The following CRBN variants were observed in gnomAD, a reference collection of about 807,000 sequenced individuals.
The protein encoded by CRBN is protein cereblon.
Under a neutral mutation model 62.2 loss-of-function variants are expected in CRBN, and 53 were observed. That is an observed-to-expected ratio of 0.85 (90% CI 0.68 to 1.07). The LOEUF (loss-of-function observed/expected upper bound fraction) is 1.07, where lower values mean the gene tolerates loss of function less well. CRBN is among the 50% of genes least tolerant of loss of function. The pLI, the probability that CRBN is intolerant of heterozygous loss-of-function variation, is 0.00. For synonymous variants in CRBN, 208 were observed against 176.1 expected (o/e 1.18, Z -1.43); for missense variants, 616 against 531.1 (o/e 1.16, Z -1.57).
In CRBN at chr3:3,150,898, T is replaced by G. The variant is rs927937457; in HGVS notation, c.1296A>C (p.Glu432Asp). 1 of 1,613,862 alleles carries G rather than the reference T, an allele frequency of 6.2e-7. No individual in the cohort carries two copies. The highest frequency in any genetic ancestry group is 1.3e-5 in the African/African-American group (1 of 74,918). The change falls in exon 11 of 11, where the codon GAA (glutamate) becomes GAC (aspartate). Residue 432 changes from glutamate to aspartate, a missense_variant. Transcript: ENST00000231948. ...LLPTIPDTED[E>D]ISPDKVILCL Reference sequence around the variant, plus strand: ...AAAGTATTACTTTGTCTGGACTTATTTCATCTTCAGTGTCTGGGATCGTGG... The same window carrying G: ...AAAGTATTACTTTGTCTGGACTTATGTCATCTTCAGTGTCTGGGATCGTGG...
rs374479360 is a variant in CRBN, at chr3:3,156,306, TA to T, written c.688-26del. 151 of 1,600,248 alleles carry T rather than the reference TA, an allele frequency of 9.4e-5. No individual in the cohort carries two copies. The African/African-American group carries it at 1.9e-3, about 20-fold the overall frequency. ...TCTGAAAACAAAACAAAAAGGCACT[TA>T]AAAAACCCCACAGAATAAAGATTCT... On this transcript the variant is annotated intron_variant, in intron 5 of 10. Transcript: ENST00000231948.
rs766367082 is a variant in CRBN at position 3,167,800 on chromosome 3, T to C, written c.528-7A>G. On this transcript the variant is annotated splice_polypyrimidine_tract_variant and splice_region_variant and intron_variant, in intron 4 of 10. Transcript: ENST00000231948. ...CACTTTAGCTTGCTGGATTCTAAAA[T>C]AAAGAGAACCAAGCATGGTATTCAT... 17 of 1,612,884 alleles carry C rather than the reference T, an allele frequency of 1.1e-5. No individual in the cohort carries two copies. Among genetic ancestry groups the C allele is most frequent in the Non-Finnish European group, 1.3e-5 (15 of 1,179,134 alleles).
At chr3:3,155,089 TTC>T in intron 6 of CRBN, 1 of 508,218 alleles carries the variant, frequency 2.0e-6, no homozygotes, top group Non-Finnish European at 3.5e-6. Flanking sequence ...TTGCAGATTG[TTC>T]TGTTCTATGC....
rs1035811011 is a variant in CRBN at position 3,176,592 on chromosome 3, C to T, written c.68-1323G>A. On this transcript the variant is annotated intron_variant, in intron 1 of 10. Transcript: ENST00000231948. The stretch of plus-strand genomic sequence containing the variant: ...CTCTACTAAAAACACAAAAGTTAGC[C>T]GGGTGTGGTTGTAGGTGCCTGTAAT... Among the ~76,000 whole-genome samples the T allele has an allele frequency of 3.9e-5, 6 of 152,172 alleles. No individual in the cohort carries two copies. The South Asian group carries it at 6.2e-4, about 16-fold the overall frequency.
intron 4 of CRBN, 41 bp downstream of exon 4, chr3:3,172,735 G>C (rs910227012): frequency 1.0e-5 from 16 of 1,586,982 alleles, no homozygotes; most frequent in Admixed American, 1.0e-4. Flanking sequence ...TATTTCATTA[G>C]GAAACATTCA....
In CRBN at chr3:3,179,658, A is replaced by G. The variant is rs771609447; in HGVS notation, c.30T>C (p.Ala10=). The change falls in exon 1 of 11, where the codon GCT becomes GCC. Residue 10 remains alanine (A), a synonymous_variant. Coordinates refer to ENST00000231948, the MANE Select transcript of CRBN (RefSeq NM_016302.4). MAGEGDQQD[A]AHNMGNHLPL... ...GCAGGTGGTTGCCCATGTTGTGCGC[A>G]GCGTCCTGCTGATCTCCTTCGCCGG... is the stretch of plus-strand genomic sequence containing the variant. 36 of 1,613,076 alleles carry G rather than the reference A, an allele frequency of 2.2e-5. No homozygotes were observed. The highest frequency in any genetic ancestry group is 1.2e-4 in the Admixed American group (7 of 59,986).
chr3:3,156,556 A>T, intron 5 of CRBN: 1 of 465,364 alleles, frequency 2.1e-6, no homozygotes. Context: ...TGGGAAGATA[A>T]ATGTTGAGAG....
Position 3,175,395 on chromosome 3 carries a change from G to T in CRBN, c.68-126C>A, listed in dbSNP as rs1043060540. On this transcript the variant is annotated intron_variant, in intron 1 of 10. Coordinates refer to ENST00000231948, the MANE Select transcript of CRBN (RefSeq NM_016302.4). The stretch of plus-strand genomic sequence containing the variant: ...CATTTGGTAAACTCTACAGCACCGT[G>T]AAGAGGGAGCCAGAGGACTGGGGTC... The T allele has an allele frequency of 3.1e-5, 22 of 715,858 alleles. No individual in the cohort carries two copies. In the African/African-American group the frequency reaches 3.9e-4, roughly 13 times the overall value. 44.3% of individuals were successfully genotyped at this position (715,858 alleles called of 1,614,324 possible). A position where few individuals can be genotyped will look rare whatever the true frequency, so the allele number is the denominator to read the frequency against.
intron 5 of CRBN, among the ~76,000 whole-genome samples, chr3:3,156,993 G>A (rs890388505): frequency 3.3e-5 from 5 of 152,154 alleles, no homozygotes; most frequent in African/African-American, 1.2e-4. Flanking sequence ...TATTTGAGGG[G>A]GAGACTCAAT....
chr3:3,168,633 A>C (rs796844649), intron 4 of CRBN, among the ~76,000 whole-genome samples: 50 of 152,310 alleles, frequency 3.3e-4, no homozygotes, highest in African/African-American at 1.2e-3. Flanking sequence ...TCTCTGCTTT[A>C]TTAGTTATAC....
Position 3,153,917 on chromosome 3 carries a change from C to T in CRBN, c.951+43G>A, listed in dbSNP as rs1417649196. 3 of 1,242,864 alleles carry T rather than the reference C, an allele frequency of 2.4e-6. No individual in the cohort carries two copies. The African/African-American group carries it at 4.4e-5, about 18-fold the overall frequency. The allele number at this position is 1,242,864 out of a possible 1,614,324, so 77.0% of individuals were successfully genotyped here. On this transcript the variant is annotated intron_variant, in intron 8 of 10. Transcript: ENST00000231948. ...CAACAGAGCATCCTAGTTCTCCAGC[C>T]TGAATAAAACATGGGCATCAAAAAC...
At chr3:3,153,039 A>G (rs898731725) in intron 9 of CRBN, 3 of 303,970 alleles carry the variant, frequency 9.9e-6, no homozygotes, top group African/African-American at 6.5e-5. Context: ...ATATCAGAGC[A>G]TCAGTATGTG....
At chr3:3,149,958 T>C (rs1438627479), downstream of CRBN, 1 of 152,180 alleles carries the variant, frequency 6.6e-6, no homozygotes, top group Non-Finnish European at 1.5e-5. Context: ...GCAGCCTTTT[T>C]AGAACTTTAA....
At position 3,151,016 on chromosome 3, in the gene CRBN, A is replaced by ATCTT. The variant is rs1220689235; in HGVS notation, c.1174_1177dup (p.Ile393LysfsTer39). ...CTTCCATCCAATATGGCTTGCACAG[A>ATCTT]TCTTACACTGGGCAACAGTCCAGGC... is the stretch of plus-strand genomic sequence containing the variant. On this transcript the variant is annotated frameshift_variant, in exon 11 of 11. Coordinates refer to ENST00000231948, the MANE Select transcript of CRBN (RefSeq NM_016302.4). LOFTEE classifies it high-confidence loss of function. The ATCTT allele has an allele frequency of 1.2e-6, 2 of 1,613,706 alleles. No individual in the cohort carries two copies. Among genetic ancestry groups the ATCTT allele is most frequent in the East Asian group, 2.2e-5 (1 of 44,874 alleles).
rs1707679166 is a variant in CRBN, at chr3:3,172,906, C to G, written c.397G>C (p.Ala133Pro). ...LAYSNVQERE[A>P]QFGTTAEIYA... ...ATCTCTGCTGTTGTTCCAAACTGTG[C>G]TTCCCTTTCCTGTACATTGCTTCCA... Residue 133 changes from alanine (A) to proline (P), a missense_variant, in exon 4 of 11, where the codon GCA (alanine) becomes CCA (proline). Ala to Pro is a conservative substitution (Grantham distance 27). Coordinates refer to ENST00000231948, the MANE Select transcript of CRBN (RefSeq NM_016302.4). 2 of 1,613,852 alleles carry G rather than the reference C, an allele frequency of 1.2e-6. No homozygotes were observed. The highest frequency in any genetic ancestry group is 1.7e-6 in the Non-Finnish European group (2 of 1,179,770).
At chr3:3,174,904 A>G (rs1287593615) in intron 2 of CRBN, among the ~76,000 whole-genome samples, 1 of 152,240 alleles carries the variant, frequency 6.6e-6, no homozygotes, top group Non-Finnish European at 1.5e-5. Context: ...TCTAGTACCT[A>G]GAAGTACAGA....
At chr3:3,155,635 A>C (rs1235288492) in intron 6 of CRBN, 1 of 153,290 alleles carries the variant, frequency 6.5e-6, no homozygotes, top group Non-Finnish European at 1.5e-5. Flanking sequence ...AGGAGCAAAA[A>C]CCCTCCTGGA....
At chr3:3,175,040 C>CT (rs367608520) in intron 2 of CRBN, 123 bp downstream of exon 2, 491,628 of 695,622 alleles carry the variant, frequency 0.71, 184,332 homozygotes, top group Middle Eastern at 0.82. Flanking sequence ...TGGCAAATAG[C>CT]CCATGTCCTC....
intron 4 of CRBN, among the ~76,000 whole-genome samples, chr3:3,168,969 A>G (rs1707486308): frequency 6.6e-6 from 1 of 152,188 alleles, no homozygotes; most frequent in South Asian, 2.1e-4. Flanking sequence ...CACCTGATTC[A>G]TGAACACAAA....
Sources: allele counts gnomAD v4.1 joint callset (sites outside exome capture counted in the v4.1 genomes callset), GRCh38; gene constraint gnomAD v4.1.1; transcripts MANE v1.5; gene names NCBI Gene and HGNC (gene_info 2026-07-23, HGNC 2026-07-21).